ADAMTSL3: variants seen among roughly 807,000 people sequenced by gnomAD.
ADAMTSL3 encodes ADAMTS-like protein 3.
A neutral mutation model predicts 201.7 loss-of-function variants in ADAMTSL3; 128 were observed. The observed-to-expected ratio is 0.63, with a 90% CI of 0.55 to 0.73. ADAMTSL3 has a LOEUF of 0.73. ADAMTSL3 is among the 30% of genes least tolerant of loss of function. The pLI, the probability that ADAMTSL3 is intolerant of heterozygous loss-of-function variation, is 0.00. For synonymous variants in ADAMTSL3, 738 were observed against 748.4 expected (o/e 0.99, Z 0.23); for missense variants, 1,990 against 2,119.6 (o/e 0.94, Z 1.20).
intron 9 of ADAMTSL3, among the ~76,000 whole-genome samples, chr15:83,872,627 C>CACACACACACACACACACAG (rs6145659): frequency 0.014 from 2,008 of 140,932 alleles, 44 homozygotes; most frequent in Middle Eastern, 0.058. Flanking sequence ...CACACACACA[C>CACACACACACACACACACAG]AGAGTTTTTG....
intron 7 of ADAMTSL3, among the ~76,000 whole-genome samples, chr15:83,844,173 A>G (rs1386845936): frequency 6.6e-6 from 1 of 152,198 alleles, no homozygotes; most frequent in African/African-American, 2.4e-5. Flanking sequence ...GTGGCAGCCA[A>G]GCCTATTGAT....
At chr15:83,734,679 A>G (rs1284270759) in intron 3 of ADAMTSL3, among the ~76,000 whole-genome samples, 1 of 152,208 alleles carries the variant, frequency 6.6e-6, no homozygotes, top group Non-Finnish European at 1.5e-5. Context: ...GGCACAAAGG[A>G]ATGAGAACAT....
intron 19 of ADAMTSL3, among the ~76,000 whole-genome samples, chr15:83,949,131 T>G (rs1722294360): frequency 1.3e-5 from 2 of 152,160 alleles, no homozygotes; most frequent in Non-Finnish European, 2.9e-5. Flanking sequence ...TTTTTTGTAC[T>G]CATTAACCAT....
chr15:83,733,973 C>T (rs972198500), intron 3 of ADAMTSL3, among the ~76,000 whole-genome samples: 2 of 152,046 alleles, frequency 1.3e-5, no homozygotes, highest in African/African-American at 4.8e-5. Context: ...ACAATGCAGG[C>T]GGACATTTAA....
chr15:83,859,718 G>A (rs993179837), intron 8 of ADAMTSL3, among the ~76,000 whole-genome samples: 1 of 152,142 alleles, frequency 6.6e-6, no homozygotes, highest in Non-Finnish European at 1.5e-5. Flanking sequence ...CAACTATTCT[G>A]TAGTGGGCAA....
At chr15:84,032,509 C>G (rs911104989) in intron 28 of ADAMTSL3, among the ~76,000 whole-genome samples, 2 of 152,220 alleles carry the variant, frequency 1.3e-5, no homozygotes, top group Non-Finnish European at 2.9e-5. Flanking sequence ...ACAGACCACA[C>G]ACAGATTGAT....
chr15:83,853,193 C>G (rs1400461253), intron 7 of ADAMTSL3, among the ~76,000 whole-genome samples: 1 of 152,158 alleles, frequency 6.6e-6, no homozygotes, highest in Non-Finnish European at 1.5e-5. Flanking sequence ...CCAACATATT[C>G]TATCTTTTCT....
At chr15:83,769,706 C>T (rs1217133375) in intron 3 of ADAMTSL3, among the ~76,000 whole-genome samples, 1 of 152,134 alleles carries the variant, frequency 6.6e-6, no homozygotes, top group Admixed American at 6.5e-5. Flanking sequence ...TTGGAAAACC[C>T]CCTCTTTGCT....
chr15:84,027,871 G>A (rs1741063750), intron 27 of ADAMTSL3, among the ~76,000 whole-genome samples: 1 of 152,148 alleles, frequency 6.6e-6, no homozygotes, highest in African/African-American at 2.4e-5. Flanking sequence ...TTGGTGAGTA[G>A]ATGAGCTGTG....
At chr15:83,831,406 A>G (rs1295859896) in intron 6 of ADAMTSL3, among the ~76,000 whole-genome samples, 1 of 152,198 alleles carries the variant, frequency 6.6e-6, no homozygotes, top group Non-Finnish European at 1.5e-5. Context: ...AGAGGGAAAG[A>G]TACAACTACA....
At chr15:83,930,300 A>T (rs1159916516) in intron 17 of ADAMTSL3, among the ~76,000 whole-genome samples, 2 of 152,186 alleles carry the variant, frequency 1.3e-5, no homozygotes, top group Non-Finnish European at 2.9e-5. Context: ...GTCCTTTTGT[A>T]ACAATCCTTA....
rs560058164 is a variant in ADAMTSL3 at position 83,737,489 on chromosome 15, C to T, written c.189+32981C>T. Among the ~76,000 whole-genome samples, 76 of 152,294 alleles carry T rather than the reference C, an allele frequency of 5.0e-4. 1 individual carries two copies. Among genetic ancestry groups the T allele is most frequent in the African/African-American group, 1.8e-3 (74 of 41,570 alleles). ...GCAAGTTCCTCCTTTGTTCACTCTT[C>T]TCTCTTGCCTGCCACCACGTATGAC... On this transcript the variant is annotated intron_variant, in intron 3 of 29. Coordinates refer to ENST00000286744, the MANE Select transcript of ADAMTSL3 (RefSeq NM_207517.3).
At chr15:83,985,346 G>C (rs2067455106) in intron 21 of ADAMTSL3, among the ~76,000 whole-genome samples, 1 of 151,954 alleles carries the variant, frequency 6.6e-6, no homozygotes, top group Non-Finnish European at 1.5e-5. Flanking sequence ...AACAAATACT[G>C]TCAGTTGTGT....
At chr15:83,738,121 CAA>C (rs2062396477) in intron 3 of ADAMTSL3, among the ~76,000 whole-genome samples, 1 of 152,096 alleles carries the variant, frequency 6.6e-6, no homozygotes. Flanking sequence ...AAGAATCTAA[CAA>C]GAGGAAAACA....
At position 83,979,669 on chromosome 15, in the gene ADAMTSL3, A is replaced by T. The variant is rs181499387; in HGVS notation, c.2645-2604A>T. Among the ~76,000 whole-genome samples the T allele has an allele frequency of 5.0e-3, 762 of 152,338 alleles. 6 individuals are homozygous for T. The highest frequency in any genetic ancestry group is 4.9e-3 in the Non-Finnish European group (336 of 68,034). ...TCATTAGATAGGAAATGAGCTAATTACTCAGAGTAAAGTATAATGATTTCT... is the reference window on the plus strand; with the variant it reads ...TCATTAGATAGGAAATGAGCTAATTTCTCAGAGTAAAGTATAATGATTTCT... On this transcript the variant is annotated intron_variant, in intron 20 of 29. Transcript: ENST00000286744.
intron 8 of ADAMTSL3, among the ~76,000 whole-genome samples, chr15:83,864,687 C>T (rs1306482399): frequency 2.0e-5 from 3 of 152,166 alleles, no homozygotes; most frequent in African/African-American, 7.2e-5. Context: ...GGAAGCATTC[C>T]CTTTGAAAAC....
At chr15:83,774,851 CTT>C (rs60612296) in intron 4 of ADAMTSL3, among the ~76,000 whole-genome samples, 24 of 133,692 alleles carry the variant, frequency 1.8e-4, no homozygotes, top group East Asian at 2.1e-4. Flanking sequence ...GGGGAGGAGG[CTT>C]TTTTTTTTTT....
At chr15:83,901,076 G>A (rs1261114246) in intron 15 of ADAMTSL3, among the ~76,000 whole-genome samples, 1 of 152,146 alleles carries the variant, frequency 6.6e-6, no homozygotes, top group African/African-American at 2.4e-5. Context: ...AGTGATGTGG[G>A]CCAACATAGC....
chr15:83,869,026 G>A (rs1277592996), intron 8 of ADAMTSL3, among the ~76,000 whole-genome samples: 1 of 152,124 alleles, frequency 6.6e-6, no homozygotes, highest in Non-Finnish European at 1.5e-5. Context: ...CAGAAGGTTA[G>A]CACAATGGTA....
Sources: gnomAD v4.1 joint callset for allele counts (sites outside exome capture counted in the v4.1 genomes callset) on GRCh38, gnomAD v4.1.1 for gene constraint, MANE v1.5 for transcripts, NCBI Gene and HGNC (gene_info 2026-07-23, HGNC 2026-07-21) for gene names.